The following SELENOI variants were observed in gnomAD, a reference collection of about 807,000 sequenced individuals.
SELENOI encodes ethanolaminephosphotransferase 1.
In SELENOI, 24 loss-of-function variants were observed where a neutral mutation model predicts 50.7. That is an observed-to-expected ratio of 0.47 (90% CI 0.34 to 0.67). The LOEUF (loss-of-function observed/expected upper bound fraction) is 0.67, where lower values mean the gene tolerates loss of function less well. SELENOI is among the 30% of genes least tolerant of loss of function. The pLI is 0.01. For synonymous variants in SELENOI, 155 were observed against 170.2 expected, an observed-to-expected ratio of 0.91 and a Z score of 0.70; for missense variants, 352 against 461.4, an observed-to-expected ratio of 0.76 and a Z score of 2.17.
chr2:26,372,773 A>G (rs1677484758), intron 4 of SELENOI, among the ~76,000 whole-genome samples: 1 of 152,234 alleles, frequency 6.6e-6, no homozygotes, highest in African/African-American at 2.4e-5. Context: ...TCAGACTCCA[A>G]CTAAAATGCT....
intron 1 of SELENOI, among the ~76,000 whole-genome samples, chr2:26,352,504 G>A (rs1297833772): frequency 2.0e-5 from 3 of 152,216 alleles, no homozygotes; most frequent in African/African-American, 7.2e-5. Context: ...AGTATCTCTA[G>A]CCGGGTGCGG....
chr2:26,347,527 G>T (rs1676822295), intron 1 of SELENOI, among the ~76,000 whole-genome samples: 1 of 152,136 alleles, frequency 6.6e-6, no homozygotes, highest in Non-Finnish European at 1.5e-5. Flanking sequence ...GAACCGAGGT[G>T]ATGACTTGTC....
chr2:26,369,929 A>G (rs1835347), intron 4 of SELENOI, among the ~76,000 whole-genome samples: 150,416 of 151,090 alleles, frequency 1, 74,874 homozygotes, highest in East Asian at 1. Flanking sequence ...AGGGTCATAG[A>G]ACAATAGTGG....
At chr2:26,371,028 C>T (rs1677423986) in intron 4 of SELENOI, among the ~76,000 whole-genome samples, 1 of 145,624 alleles carries the variant, frequency 6.9e-6, no homozygotes, top group African/African-American at 2.5e-5. Flanking sequence ...GGCAGAGGGG[C>T]TCCTCACTTC....
chr2:26,370,274 G>C (rs1451552017), intron 4 of SELENOI, among the ~76,000 whole-genome samples: 1 of 151,702 alleles, frequency 6.6e-6, no homozygotes, highest in Non-Finnish European at 1.5e-5. Flanking sequence ...ACACAGACAC[G>C]GCAACCATCC....
chr2:26,346,494 C>A (rs184173476), intron 1 of SELENOI: 5 of 535,308 alleles, frequency 9.3e-6, no homozygotes, highest in Non-Finnish European at 1.6e-5. Flanking sequence ...AGTCGGCACC[C>A]CCCGGGAGAT....
rs1231969803 is a variant in SELENOI at position 26,386,383 on chromosome 2, T to C, written c.942T>C (p.Ser314=). Residue 314 remains serine, a synonymous_variant, in exon 9 of 10, where the codon AGT becomes AGC. Transcript: ENST00000260585. The part of the protein sequence containing the change: ...TCQLIVCQMS[S]TRCPTLNWLL... ...AGCTGATTGTTTGCCAAATGAGTAG[T>C]ACCCGGTGTCCAACTTTGAATTGGT... is the stretch of plus-strand genomic sequence containing the variant. 6.2e-7 allele frequency: 1 copy of C among 1,613,756 alleles called. No individual in the cohort carries two copies. The highest frequency in any genetic ancestry group is 2.2e-5 in the East Asian group (1 of 44,898).
At chr2:26,364,772 G>T in intron 2 of SELENOI, 60 bp from the exon 3 acceptor site, 3 of 1,187,960 alleles carry the variant, frequency 2.5e-6, no homozygotes, top group Non-Finnish European at 3.6e-6. Flanking sequence ...GCATGTTGTA[G>T]TATACATTGG....
At chr2:26,381,896 A>C (rs1282113852) in intron 6 of SELENOI, among the ~76,000 whole-genome samples, 1 of 152,214 alleles carries the variant, frequency 6.6e-6, no homozygotes, top group African/African-American at 2.4e-5. Context: ...CCATAGCTGC[A>C]TTGACCCTCA....
At chr2:26,370,748 C>T (rs1677406713) in intron 4 of SELENOI, among the ~76,000 whole-genome samples, 1 of 139,794 alleles carries the variant, frequency 7.2e-6, no homozygotes, top group African/African-American at 2.6e-5. Context: ...GGGCTGACCC[C>T]CCCACCTCCC....
chr2:26,367,992 T>C (rs1677320109), intron 4 of SELENOI, among the ~76,000 whole-genome samples: 1 of 152,220 alleles, frequency 6.6e-6, no homozygotes, highest in East Asian at 1.9e-4. Flanking sequence ...TTTGTGAAAG[T>C]GAGTACTGCG....
chr2:26,379,128 G>A (rs775928823), intron 6 of SELENOI, among the ~76,000 whole-genome samples: 8 of 152,152 alleles, frequency 5.3e-5, no homozygotes, highest in Non-Finnish European at 2.9e-5. Context: ...GCCGGGTGTG[G>A]TGGCGTATGC....
intron 1 of SELENOI, among the ~76,000 whole-genome samples, chr2:26,361,048 A>G (rs1677165629): frequency 6.6e-6 from 1 of 152,194 alleles, no homozygotes; most frequent in South Asian, 2.1e-4. Flanking sequence ...CTCCGTCTCT[A>G]CTAAAAATAC....
chr2:26,378,981 T>G (rs1453103674), intron 6 of SELENOI, among the ~76,000 whole-genome samples: 1 of 152,222 alleles, frequency 6.6e-6, no homozygotes, highest in African/African-American at 2.4e-5. Context: ...CCTTTTAAAT[T>G]TCTGTTAATC....
Position 26,383,336 on chromosome 2 carries a change from A to C in SELENOI, c.720A>C (p.Leu240Phe), listed in dbSNP as rs780934258. 2.6e-6 allele frequency: 4 copies of C among 1,538,574 alleles called. No individual in the cohort carries two copies. The highest frequency in any genetic ancestry group is 2.7e-5 in the African/African-American group (2 of 73,270). Residue 240 changes from leucine (L) to phenylalanine (F), a missense_variant, in exon 7 of 10, where the codon TTA becomes TTC. By Grantham distance (22) the Leu-to-Phe change is conservative. Coordinates refer to ENST00000260585, the MANE Select transcript of SELENOI (RefSeq NM_033505.4). The stretch of plus-strand genomic sequence containing the variant: ...GTGTGACTCTTCCAATGAGTTTATT[A>C]AACTTTTTCAGGTAAGTATTTTATT... ...ALCVTLPMSL[L>F]NFFRSYKNNT...
intron 1 of SELENOI, among the ~76,000 whole-genome samples, chr2:26,349,067 G>C (rs929241580): frequency 4.6e-5 from 6 of 131,552 alleles, no homozygotes; most frequent in Non-Finnish European, 9.3e-5. Flanking sequence ...CCAGGCTGGA[G>C]TGCAATGGCG....
At chr2:26,372,727 T>C (rs1289734502) in intron 4 of SELENOI, among the ~76,000 whole-genome samples, 1 of 152,198 alleles carries the variant, frequency 6.6e-6, no homozygotes, top group Non-Finnish European at 1.5e-5. Context: ...TTGTAGCTAG[T>C]GAAACAACCC....
rs529069524 is a variant in SELENOI at position 26,372,027 on chromosome 2, A to G, written c.311-1340A>G. Among the ~76,000 whole-genome samples, 3 of 152,186 alleles carry G rather than the reference A, an allele frequency of 2.0e-5. No individual in the cohort carries two copies. In the East Asian group the frequency reaches 5.8e-4, roughly 29 times the overall value. On this transcript the variant is annotated intron_variant, in intron 4 of 9. Coordinates refer to ENST00000260585, the MANE Select transcript of SELENOI (RefSeq NM_033505.4). Reference sequence around the variant, plus strand: ...CTTGCCTGAAAAGCCATTCTAGATTATCTTAGCCTAAAGAGAACCTTTCCC... The same window carrying G: ...CTTGCCTGAAAAGCCATTCTAGATTGTCTTAGCCTAAAGAGAACCTTTCCC...
intron 1 of SELENOI, among the ~76,000 whole-genome samples, chr2:26,361,169 G>T (rs1015314752): frequency 2.0e-5 from 3 of 152,132 alleles, no homozygotes; most frequent in Non-Finnish European, 2.9e-5. Flanking sequence ...AGCCAAGATC[G>T]CGCCACTGCA....
Sources: gnomAD v4.1 joint callset for allele counts (sites outside exome capture counted in the v4.1 genomes callset) on GRCh38, gnomAD v4.1.1 for gene constraint, MANE v1.5 for transcripts, NCBI Gene and HGNC (gene_info 2026-07-23, HGNC 2026-07-21) for gene names.